The following HNRNPA3 variants were observed in gnomAD, a reference collection of about 807,000 sequenced individuals.
The protein encoded by HNRNPA3 is epididymis secretory sperm binding protein.
Under a neutral mutation model 45.8 loss-of-function variants are expected in HNRNPA3, and 3 were observed. The observed-to-expected ratio is 0.07, with a 90% confidence interval of 0.03 to 0.17. HNRNPA3 has a LOEUF of 0.17. HNRNPA3 is among the 10% of genes least tolerant of loss of function. The probability of loss-of-function intolerance (pLI) is 1.00; values close to 1 mark genes in which losing one functional copy is unlikely to be tolerated. For synonymous variants in HNRNPA3, 170 were observed against 155.6 expected (o/e 1.09, Z -0.69); for missense variants, 183 against 480.3 (o/e 0.38, Z 5.79).
intron 8 of HNRNPA3, among the ~76,000 whole-genome samples, chr2:177,218,328 C>G (rs1298294139): frequency 6.6e-6 from 1 of 152,122 alleles, no homozygotes; most frequent in Non-Finnish European, 1.5e-5. Context: ...TCCCAAAGTA[C>G]TGGGATTACA....
chr2:177,215,741 A>C lies in HNRNPA3; in HGVS notation c.196-9A>C, dbSNP rs374380936. 6.2e-7 allele frequency: 1 copy of C among 1,610,766 alleles called. No individual in the cohort carries two copies. Among genetic ancestry groups the C allele is most frequent in the Non-Finnish European group, 8.5e-7 (1 of 1,178,966 alleles). On this transcript the variant is annotated splice_polypyrimidine_tract_variant and intron_variant, in intron 2 of 10. Coordinates refer to ENST00000392524, the Ensembl canonical transcript of HNRNPA3. ...TGTTTTCAACGTTATAAAACTTTTT[A>C]TTTTGTAGGTAATGAGAGACCCCCA...
Position 177,216,195 on chromosome 2 carries a change from A to G in HNRNPA3, c.553+7A>G. ...ACAGTTGATAAAATTGTTGGTAAGT[A>G]GCAATTTATGGTAACTTGAATGAGA... On this transcript the variant is annotated splice_region_variant and intron_variant, in intron 4 of 10. Transcript: ENST00000392524. 6.5e-7 allele frequency: 1 copy of G among 1,533,028 alleles called. No individual in the cohort carries two copies. Among genetic ancestry groups the G allele is most frequent in the Non-Finnish European group, 8.9e-7 (1 of 1,125,504 alleles). 95.0% of individuals were successfully genotyped at this position (1,533,028 alleles called of 1,614,324 possible). A position where few individuals can be genotyped will look rare whatever the true frequency, so the allele number is the denominator to read the frequency against.
downstream of HNRNPA3, chr2:177,221,683 C>G (rs1234732966): frequency 6.6e-6 from 1 of 152,596 alleles, no homozygotes; most frequent in Non-Finnish European, 1.5e-5. Flanking sequence ...GTGTGGATCA[C>G]AGAAACTCAC....
chr2:177,216,237 T>C (rs750586246), intron 4 of HNRNPA3, 49 bp downstream of exon 4: 86 of 1,301,148 alleles, frequency 6.6e-5, no homozygotes, highest in South Asian at 2.5e-4. Flanking sequence ...AACTGGTTTT[T>C]CTGTTTTGAA....
At chr2:177,220,913 T>TA (rs772032137), downstream of HNRNPA3, 1 of 152,636 alleles carries the variant, frequency 6.6e-6, no homozygotes, top group Non-Finnish European at 1.5e-5. Context: ...GCCCTGCTGT[T>TA]ACTCTCTTTG....
chr2:177,222,048 T>C (rs1689203840), downstream of HNRNPA3: 1 of 152,638 alleles, frequency 6.6e-6, no homozygotes, highest in South Asian at 2.1e-4. Flanking sequence ...GAGTAATCTT[T>C]TTGATTTGCA....
downstream of HNRNPA3, chr2:177,222,356 G>T (rs1689217360): frequency 6.6e-6 from 1 of 152,156 alleles, no homozygotes; most frequent in Non-Finnish European, 1.5e-5. Flanking sequence ...GTGACTCCTT[G>T]TGTATACAAT....
At chr2:177,215,839 T>C (rs545428053) in exon 3 of HNRNPA3, 2 of 1,609,816 alleles carry the variant, frequency 1.2e-6, no homozygotes, top group African/African-American at 2.7e-5. Context: ...CAATGTGTGC[T>C]CGACCACACA....
chr2:177,216,622 G>A (rs980569139), intron 5 of HNRNPA3, 30 bp downstream of exon 5: 6 of 1,611,300 alleles, frequency 3.7e-6, no homozygotes, highest in African/African-American at 1.3e-5. Flanking sequence ...TGTATACAGT[G>A]GATATGAGTG....
chr2:177,216,007 A>C, exon 4 of HNRNPA3: 1 of 1,600,982 alleles, frequency 6.2e-7, no homozygotes, highest in Non-Finnish European at 8.5e-7. Flanking sequence ...CCCATCTAAC[A>C]GTGAAGAAAA....
downstream of HNRNPA3, chr2:177,221,375 G>A (rs1689180077): frequency 6.6e-6 from 1 of 152,396 alleles, no homozygotes; most frequent in African/African-American, 2.4e-5. Flanking sequence ...AAGGAATGGG[G>A]GAGATTAACA....
At chr2:177,213,110 G>C (rs959072935) in intron 1 of HNRNPA3, among the ~76,000 whole-genome samples, 2 of 152,142 alleles carry the variant, frequency 1.3e-5, no homozygotes, top group Non-Finnish European at 2.9e-5. Context: ...GGGAGGCCTC[G>C]GGAGGGAAGC....
chr2:177,216,786 T>A lies in HNRNPA3; in HGVS notation c.739+15T>A. 6.2e-7 allele frequency: 1 copy of A among 1,614,098 alleles called. No individual in the cohort carries two copies. The highest frequency in any genetic ancestry group is 8.5e-7 in the Non-Finnish European group (1 of 1,179,982). On this transcript the variant is annotated intron_variant, in intron 6 of 10. Coordinates refer to ENST00000392524, the Ensembl canonical transcript of HNRNPA3. ...TGGTGGAAGAGGTAGGCTGTTTATC[T>A]TCTAAGTACATGGATACCTGACATT... is the stretch of plus-strand genomic sequence containing the variant.
At chr2:177,213,158 G>T (rs963007603) in intron 1 of HNRNPA3, among the ~76,000 whole-genome samples, 2 of 152,170 alleles carry the variant, frequency 1.3e-5, no homozygotes, top group Admixed American at 6.5e-5. Flanking sequence ...GCGAGGCCGA[G>T]GGCGGCATGG....
chr2:177,223,045 A>G (rs937856298), downstream of HNRNPA3: 3 of 152,628 alleles, frequency 2.0e-5, no homozygotes, highest in African/African-American at 7.2e-5. Context: ...GGGCTTAACA[A>G]TTTAGTCGGA....
downstream of HNRNPA3, chr2:177,222,322 A>G (rs1007969473): frequency 6.6e-6 from 1 of 152,246 alleles, no homozygotes; most frequent in Admixed American, 6.5e-5. Context: ...CGAAATAGCC[A>G]TAAGTATTCA....
At chr2:177,220,673 A>G (rs1224008567), downstream of HNRNPA3, 2 of 152,618 alleles carry the variant, frequency 1.3e-5, no homozygotes, top group Non-Finnish European at 2.9e-5. Flanking sequence ...CTCACTTCCT[A>G]CAGACCTGAA....
chr2:177,214,764 T>C (rs1273147839), intron 1 of HNRNPA3, among the ~76,000 whole-genome samples: 3 of 152,124 alleles, frequency 2.0e-5, no homozygotes, highest in Admixed American at 1.3e-4. Context: ...CACTGCACTC[T>C]AGCCTGGGCG....
At chr2:177,220,858 T>C (rs1438150800), downstream of HNRNPA3, 1 of 152,648 alleles carries the variant, frequency 6.6e-6, no homozygotes, top group South Asian at 2.1e-4. Flanking sequence ...GTCTACTGTT[T>C]TGCTCCAGCT....
Sources: gnomAD v4.1 joint callset for allele counts (sites outside exome capture counted in the v4.1 genomes callset) on GRCh38, gnomAD v4.1.1 for gene constraint, MANE v1.5 for transcripts, NCBI Gene and HGNC (gene_info 2026-07-23, HGNC 2026-07-21) for gene names.